Variants in IMMT observed in about 807,000 individuals in gnomAD.
IMMT encodes the protein inner membrane mitochondrial protein, also known as MICOS complex subunit MIC60.
A neutral mutation model predicts 92.7 loss-of-function variants in IMMT; 40 were observed. The ratio of observed to expected loss-of-function variants is 0.43; its 90% CI spans 0.34 to 0.56. The LOEUF (loss-of-function observed/expected upper bound fraction) is 0.56. IMMT is among the 20% of genes least tolerant of loss of function. IMMT has a pLI of 0.03. For synonymous variants in IMMT, 322 were observed against 336.1 expected (o/e 0.96, Z 0.46); for missense variants, 831 against 912.1 (o/e 0.91, Z 1.14).
chr2:86,165,728 A>G (rs1558824448), intron 7 of IMMT, among the ~76,000 whole-genome samples: 1 of 146,712 alleles, frequency 6.8e-6, no homozygotes, highest in African/African-American at 2.6e-5. Flanking sequence ...CAATGTTATT[A>G]CTTCATTCTT....
intron 13 of IMMT, 80 bp from the exon 14 acceptor site, chr2:86,146,277 C>G: frequency 4.7e-6 from 6 of 1,264,392 alleles, no homozygotes; most frequent in Non-Finnish European, 6.6e-6. Flanking sequence ...CCAGCAACTA[C>G]TTGCTGAAGC....
intron 10 of IMMT, among the ~76,000 whole-genome samples, chr2:86,154,176 CTTT>C (rs564650860): frequency 1.5e-5 from 2 of 136,122 alleles, no homozygotes; most frequent in Non-Finnish European, 1.6e-5. Context: ...CTAAACATTT[CTTT>C]TTTTTTTTTT....
At chr2:86,148,087 G>GT (rs1675170265) in intron 12 of IMMT, among the ~76,000 whole-genome samples, 1 of 152,144 alleles carries the variant, frequency 6.6e-6, no homozygotes, top group Non-Finnish European at 1.5e-5. Context: ...CAAACTTGTG[G>GT]TTTTTCCACA....
At chr2:86,179,829 A>G (rs1276296939) in intron 2 of IMMT, among the ~76,000 whole-genome samples, 1 of 152,084 alleles carries the variant, frequency 6.6e-6, no homozygotes, top group Non-Finnish European at 1.5e-5. Context: ...GTATTTATTC[A>G]TTTTAGGAGG....
chr2:86,165,231 G>T (rs147519220), intron 7 of IMMT, among the ~76,000 whole-genome samples: 43 of 152,268 alleles, frequency 2.8e-4, no homozygotes, highest in Non-Finnish European at 4.9e-4. Flanking sequence ...CTTCCAATCC[G>T]TGTCCTTCTG....
intron 6 of IMMT, 118 bp downstream of exon 6, chr2:86,170,631 C>A: frequency 1.5e-6 from 1 of 657,072 alleles, no homozygotes. Flanking sequence ...TAAAAAACAA[C>A]CGCAGCAACA....
chr2:86,170,291 C>T (rs150455112), intron 6 of IMMT, among the ~76,000 whole-genome samples: 5 of 152,080 alleles, frequency 3.3e-5, no homozygotes, highest in Non-Finnish European at 4.4e-5. Context: ...TGGTGGTACA[C>T]GCCTGTAGTC....
intron 3 of IMMT, among the ~76,000 whole-genome samples, chr2:86,176,282 T>C (rs1677421006): frequency 6.6e-6 from 1 of 152,224 alleles, no homozygotes; most frequent in African/African-American, 2.4e-5. Flanking sequence ...ATACAAAATA[T>C]CTGGAAGTAC....
At chr2:86,193,997 C>A (rs1192001911) in intron 1 of IMMT, among the ~76,000 whole-genome samples, 1 of 152,196 alleles carries the variant, frequency 6.6e-6, no homozygotes, top group African/African-American at 2.4e-5. Flanking sequence ...GTCAGAGAGG[C>A]AAGCTCCTGG....
chr2:86,151,256 A>G (rs1675452484), intron 12 of IMMT, 41 bp downstream of exon 12: 6 of 1,456,372 alleles, frequency 4.1e-6, no homozygotes, highest in Non-Finnish European at 5.8e-6. Context: ...ATCAAGTTAG[A>G]GTCACTTTAA....
intron 5 of IMMT, 150 bp downstream of exon 5, chr2:86,171,058 C>T (rs559160849): frequency 2.5e-5 from 19 of 760,374 alleles, no homozygotes; most frequent in Non-Finnish European, 3.6e-5. Context: ...AAGATACATT[C>T]GGACATTTAA....
At chr2:86,149,907 A>C (rs1410520540) in intron 12 of IMMT, among the ~76,000 whole-genome samples, 4 of 151,996 alleles carry the variant, frequency 2.6e-5, no homozygotes, top group Admixed American at 6.6e-5. Flanking sequence ...AAGAAAGAAA[A>C]AGAAAAAATA....
intron 8 of IMMT, among the ~76,000 whole-genome samples, chr2:86,160,664 G>A (rs1038374434): frequency 1.3e-5 from 2 of 152,162 alleles, no homozygotes; most frequent in East Asian, 3.8e-4. Flanking sequence ...AGGATCTTTA[G>A]TCAAATGTAG....
intron 6 of IMMT, among the ~76,000 whole-genome samples, chr2:86,169,714 T>G (rs1676957313): frequency 6.7e-6 from 1 of 148,800 alleles, no homozygotes; most frequent in African/African-American, 2.6e-5. Flanking sequence ...TCAAAAAATT[T>G]AAGAATCCTG....
chr2:86,167,440 T>C (rs6740666), intron 6 of IMMT, among the ~76,000 whole-genome samples: 68,890 of 149,930 alleles, frequency 0.46, 16,387 homozygotes, highest in Non-Finnish European at 0.51. Context: ...CCCAAAGTGC[T>C]GGGATTACAG....
At position 86,159,394 on chromosome 2, in the gene IMMT, T is replaced by G. The variant is rs115816028; in HGVS notation, c.1032+142A>C. ...ACCACCACACCCAGCCAAGGCAAAT[T>G]TTTTAAAACAGTAACAACGAATACA... On this transcript the variant is annotated intron_variant, in intron 9 of 14. Transcript: ENST00000410111. The G allele has an allele frequency of 1.3e-3, 1,067 of 815,104 alleles. 11 individuals carry two copies. In the African/African-American group the frequency reaches 0.017, roughly 13 times the overall value. 50.5% of individuals were successfully genotyped at this position (815,104 alleles called of 1,614,324 possible).
chr2:86,164,983 G>GA (rs1267585403), intron 7 of IMMT, among the ~76,000 whole-genome samples: 3 of 152,092 alleles, frequency 2.0e-5, no homozygotes, highest in African/African-American at 7.2e-5. Context: ...TCTTGTACTA[G>GA]AAAAAACAAA....
intron 12 of IMMT, among the ~76,000 whole-genome samples, chr2:86,150,889 A>G (rs567185881): frequency 6.6e-6 from 1 of 151,888 alleles, no homozygotes; most frequent in Non-Finnish European, 1.5e-5. Flanking sequence ...CATGACTTAT[A>G]TTCAATATCC....
intron 12 of IMMT, among the ~76,000 whole-genome samples, chr2:86,149,036 T>C (rs1039514778): frequency 6.7e-6 from 1 of 148,670 alleles, no homozygotes; most frequent in Non-Finnish European, 1.5e-5. Flanking sequence ...GTGATACATA[T>C]TTCTACATAT....
Sources: allele counts gnomAD v4.1 joint callset (sites outside exome capture counted in the v4.1 genomes callset), GRCh38; gene constraint gnomAD v4.1.1; transcripts MANE v1.5; gene names NCBI Gene and HGNC (gene_info 2026-07-23, HGNC 2026-07-21).